EIF2AK4: variants seen among roughly 807,000 people sequenced by gnomAD.
EIF2AK4 encodes the protein eukaryotic translation initiation factor 2 alpha kinase 4.
In EIF2AK4, 139 loss-of-function variants were observed where a neutral mutation model predicts 211.1. That is an observed-to-expected ratio of 0.66 (90% confidence interval 0.57 to 0.76). EIF2AK4 has a LOEUF of 0.76. Among genes scored for constraint, EIF2AK4 ranks in the 30% least tolerant of loss-of-function variants. The pLI, the probability that EIF2AK4 is intolerant of heterozygous loss-of-function variation, is 0.00. For synonymous variants in EIF2AK4, 710 were observed against 751.3 expected (o/e 0.94, Z 0.90); for missense variants, 1,664 against 2,043.8 (o/e 0.81, Z 3.58).
intron 1 of EIF2AK4, among the ~76,000 whole-genome samples, chr15:39,936,357 G>A (rs1338232675): frequency 6.6e-6 from 1 of 152,204 alleles, no homozygotes; most frequent in African/African-American, 2.4e-5. Flanking sequence ...CATTCAACAA[G>A]CACTTATTAT....
At chr15:39,956,776 T>C (rs2034398308) in intron 6 of EIF2AK4, among the ~76,000 whole-genome samples, 1 of 152,230 alleles carries the variant, frequency 6.6e-6, no homozygotes, top group African/African-American at 2.4e-5. Flanking sequence ...AAATTATCTC[T>C]TGTGAGACTC....
Position 39,998,717 on chromosome 15 carries a change from A to G in EIF2AK4, c.2869-14A>G. On this transcript the variant is annotated splice_polypyrimidine_tract_variant and intron_variant, in intron 19 of 38. Transcript: ENST00000263791. ...GTCTGCCAAAACCTTGCTGATTTGA[A>G]TATATTTTTTTAGCCCACTTCGCCT... 1.2e-6 allele frequency: 2 copies of G among 1,609,974 alleles called. No individual in the cohort carries two copies. Among genetic ancestry groups the G allele is most frequent in the Non-Finnish European group, 8.5e-7 (1 of 1,177,134 alleles).
intron 35 of EIF2AK4, among the ~76,000 whole-genome samples, chr15:40,031,760 C>CT (rs1223716969): frequency 2.0e-5 from 3 of 151,336 alleles, no homozygotes; most frequent in African/African-American, 7.3e-5. Flanking sequence ...GAGTCTCACT[C>CT]TGTCACCCAG....
rs769524022 is a variant in EIF2AK4, at chr15:39,943,956, TA to T, written c.360+480del. On this transcript the variant is annotated intron_variant, in intron 3 of 38. Coordinates refer to ENST00000263791, the MANE Select transcript of EIF2AK4 (RefSeq NM_001013703.4). ...GGCCATAGAGCAAGACCCTCTCTCT[TA>T]AAAAAAAAGAAAAAAAGAAGAAGAA... Among the ~76,000 whole-genome samples, 24 of 145,934 alleles carry T rather than the reference TA, an allele frequency of 1.6e-4. No homozygotes were observed. The East Asian group carries it at 3.0e-3, about 19-fold the overall frequency.
At chr15:39,946,241 C>G (rs1014471293) in intron 3 of EIF2AK4, among the ~76,000 whole-genome samples, 1 of 152,150 alleles carries the variant, frequency 6.6e-6, no homozygotes, top group African/African-American at 2.4e-5. Flanking sequence ...ATTCCAGATG[C>G]CATTAAATAC....
rs564122389 is a variant in EIF2AK4 at position 39,948,474 on chromosome 15, T to C, written c.361-642T>C. ...TCTCCTGCGGGTAAGGGAAAGGGGC[T>C]TCCTGTGTTCACATAAAGAATGTGT... On this transcript the variant is annotated intron_variant, in intron 3 of 38. Transcript: ENST00000263791. Among the ~76,000 whole-genome samples, 6 of 152,354 alleles carry C rather than the reference T, an allele frequency of 3.9e-5. No homozygotes were observed. The South Asian group carries it at 1.2e-3, about 32-fold the overall frequency.
intron 20 of EIF2AK4, among the ~76,000 whole-genome samples, chr15:40,000,238 C>T (rs983398094): frequency 3.9e-5 from 6 of 152,026 alleles, no homozygotes; most frequent in African/African-American, 1.4e-4. Flanking sequence ...AAACTAATTG[C>T]CTGTGTTTTT....
At chr15:39,961,982 T>C (rs1442907003) in intron 7 of EIF2AK4, 83 bp downstream of exon 7, 1 of 1,074,156 alleles carries the variant, frequency 9.3e-7, no homozygotes, top group Admixed American at 1.8e-5. Flanking sequence ...AGACACTGTG[T>C]CATTCAGACC....
chr15:40,033,035 A>AAC (rs1465733981), intron 37 of EIF2AK4, among the ~76,000 whole-genome samples: 1 of 152,194 alleles, frequency 6.6e-6, no homozygotes, highest in Non-Finnish European at 1.5e-5. Flanking sequence ...AAAAACAAAA[A>AAC]ACAAAAACAA....
At chr15:39,996,762 T>G (rs565908750) in intron 18 of EIF2AK4, among the ~76,000 whole-genome samples, 55 of 152,166 alleles carry the variant, frequency 3.6e-4, no homozygotes, top group Non-Finnish European at 3.8e-4. Flanking sequence ...ATGCCAAATA[T>G]TTTATCATCA....
chr15:40,025,327 CAGA>C (rs2035452567), intron 32 of EIF2AK4, among the ~76,000 whole-genome samples: 1 of 152,174 alleles, frequency 6.6e-6, no homozygotes, highest in Non-Finnish European at 1.5e-5. Flanking sequence ...ATGTTTTGAA[CAGA>C]AGGAGACATC....
At chr15:40,028,399 C>G (rs1169294486) in intron 33 of EIF2AK4, among the ~76,000 whole-genome samples, 1 of 152,168 alleles carries the variant, frequency 6.6e-6, no homozygotes, top group Non-Finnish European at 1.5e-5. Context: ...ATCAGCAATT[C>G]TCAACCAACA....
intron 13 of EIF2AK4, among the ~76,000 whole-genome samples, chr15:39,982,708 C>A (rs184017697): frequency 0.01 from 1,534 of 152,224 alleles, 29 homozygotes; most frequent in African/African-American, 0.036. Flanking sequence ...TCCCCACCCC[C>A]TAACAGGCAA....
chr15:40,007,579 G>A (rs1319932211), intron 24 of EIF2AK4, among the ~76,000 whole-genome samples: 1 of 152,180 alleles, frequency 6.6e-6, no homozygotes, highest in East Asian at 1.9e-4. Flanking sequence ...AAATACCACA[G>A]GGGTCCAACA....
At chr15:40,012,103 G>A (rs1239031111) in intron 27 of EIF2AK4, among the ~76,000 whole-genome samples, 1 of 152,060 alleles carries the variant, frequency 6.6e-6, no homozygotes, top group African/African-American at 2.4e-5. Context: ...TTCACATATG[G>A]GATAGATTAA....
chr15:39,943,478 G>A lies in EIF2AK4; in HGVS notation c.353G>A (p.Cys118Tyr). Reference protein sequence around the residue: ...SRLEELAKKHCGEVMIFELAY... With the variant: ...SRLEELAKKHYGEVMIFELAY... ...CTAGAAGAACTGGCCAAGAAACACT[G>A]TGGGGAGGTAAGATTTGTTAAACTG... Residue 118 changes from cysteine (C) to tyrosine (Y), a missense_variant, in exon 3 of 39, where the codon TGT (cysteine) becomes TAT (tyrosine). Coordinates refer to ENST00000263791, the MANE Select transcript of EIF2AK4 (RefSeq NM_001013703.4). The A allele has an allele frequency of 6.3e-7, 1 of 1,579,172 alleles. No homozygotes were observed. The highest frequency in any genetic ancestry group is 8.6e-7 in the Non-Finnish European group (1 of 1,168,404).
At chr15:39,934,407 G>C in intron 1 of EIF2AK4, 68 bp downstream of exon 1, 1 of 1,525,056 alleles carries the variant, frequency 6.6e-7, no homozygotes. Flanking sequence ...GCCAAAGCCC[G>C]GACACTTCCA....
At chr15:39,954,268 T>G (rs2034359506) in intron 5 of EIF2AK4, among the ~76,000 whole-genome samples, 1 of 152,366 alleles carries the variant, frequency 6.6e-6, no homozygotes, top group Admixed American at 6.5e-5. Flanking sequence ...TGTTCTTTTT[T>G]TTGAGACAGA....
At position 39,955,637 on chromosome 15, in the gene EIF2AK4, T is replaced by G; in HGVS notation, c.612T>G (p.Ala204=). The G allele has an allele frequency of 6.2e-7, 1 of 1,608,004 alleles. No individual in the cohort carries two copies. Among genetic ancestry groups the G allele is most frequent in the Non-Finnish European group, 8.5e-7 (1 of 1,178,486 alleles). ...TGTTCTAGGAACGTTTGGAAATTGC[T>G]AGTTTGTCAAACCAAGATCATACCT... ...EMAKQERLEI[A]SLSNQDHTSK... Residue 204 remains alanine (A), a synonymous_variant, in exon 6 of 39, where the codon GCT becomes GCG. Coordinates refer to ENST00000263791, the MANE Select transcript of EIF2AK4 (RefSeq NM_001013703.4).
Sources: allele counts gnomAD v4.1 joint callset (sites outside exome capture counted in the v4.1 genomes callset), GRCh38; gene constraint gnomAD v4.1.1; transcripts MANE v1.5; gene names NCBI Gene and HGNC (gene_info 2026-07-23, HGNC 2026-07-21).